The following SHISA9 variants were observed in gnomAD, a reference collection of about 807,000 sequenced individuals.
SHISA9 encodes the protein shisa family member 9.
SHISA9 carries 13 observed loss-of-function variants against 38.0 expected under a neutral mutation model. The observed-to-expected ratio is 0.34, with a 90% CI of 0.22 to 0.54. The LOEUF (loss-of-function observed/expected upper bound fraction) is 0.54. Ranked by LOEUF, SHISA9 falls within the 20% of genes least tolerant of loss-of-function variation. The probability of loss-of-function intolerance (pLI) is 0.91; values close to 1 mark genes in which losing one functional copy is unlikely to be tolerated. For synonymous variants in SHISA9, 275 were observed against 242.0 expected (o/e 1.14, Z -1.27); for missense variants, 538 against 575.8 (o/e 0.93, Z 0.67).
At chr16:13,420,991 T>C in the SHISA9 span, among the ~76,000 whole-genome samples, 111,602 of 151,912 alleles carry the variant, frequency 0.73, 41,216 homozygotes, top group Admixed American at 0.82. Context: ...TCTTCACACA[T>C]ACCATGCAAG....
chr16:13,292,446 A>G, the SHISA9 span, among the ~76,000 whole-genome samples: 3 of 152,210 alleles, frequency 2.0e-5, no homozygotes, highest in East Asian at 1.9e-4. Context: ...TACTTAGACA[A>G]TGGACCTAGC....
chr16:12,985,742 T>C (rs557751239), intron 2 of SHISA9, among the ~76,000 whole-genome samples: 10 of 152,214 alleles, frequency 6.6e-5, no homozygotes, highest in Non-Finnish European at 1.3e-4. Context: ...TTCACCATTT[T>C]TGTGGTCTGC....
intron 2 of SHISA9, among the ~76,000 whole-genome samples, chr16:13,144,607 TAGAG>T (rs1187949080): frequency 6.6e-6 from 1 of 152,102 alleles, no homozygotes; most frequent in Non-Finnish European, 1.5e-5. Context: ...ACTAAAAAAA[TAGAG>T]AGAAAAGGGT....
At chr16:13,104,587 A>G (rs575476439) in intron 2 of SHISA9, among the ~76,000 whole-genome samples, 3 of 152,222 alleles carry the variant, frequency 2.0e-5, no homozygotes, top group Non-Finnish European at 4.4e-5. Flanking sequence ...GCTAAATGAA[A>G]GAAGCCAGAT....
intron 4 of SHISA9, among the ~76,000 whole-genome samples, chr16:13,230,730 A>G (rs1019790211): frequency 3.3e-5 from 5 of 152,180 alleles, no homozygotes; most frequent in Non-Finnish European, 5.9e-5. Flanking sequence ...GAATAAAAGA[A>G]TGGTTACTCC....
chr16:13,477,173 A>G, the SHISA9 span, among the ~76,000 whole-genome samples: 2 of 152,156 alleles, frequency 1.3e-5, no homozygotes, highest in Non-Finnish European at 2.9e-5. Context: ...AAAATGAGTA[A>G]TAGATCTCCC....
At chr16:13,548,797 G>A in the SHISA9 span, among the ~76,000 whole-genome samples, 7 of 152,144 alleles carry the variant, frequency 4.6e-5, no homozygotes, top group South Asian at 2.1e-4. Flanking sequence ...ATGGAAAACA[G>A]TATTAAGGTT....
the SHISA9 span, among the ~76,000 whole-genome samples, chr16:13,346,439 G>A: frequency 2.6e-5 from 4 of 152,118 alleles, no homozygotes; most frequent in South Asian, 2.1e-4. Context: ...CATCAGTGTC[G>A]ACCGAAAACA....
chr16:13,039,205 G>T lies in SHISA9; in HGVS notation c.691+122390G>T, dbSNP rs984217924. ...ATTACAGGCATAAGCCACCGCGCCT[G>T]GCCAAGAATTTCTAATGTTAATCAT... On this transcript the variant is annotated intron_variant, in intron 2 of 4. Coordinates refer to ENST00000558583, the MANE Select transcript of SHISA9 (RefSeq NM_001145204.3). Among the ~76,000 whole-genome samples the T allele has an allele frequency of 2.6e-5, 4 of 152,236 alleles. No homozygotes were observed. The South Asian group carries it at 8.3e-4, about 32-fold the overall frequency.
the SHISA9 span, among the ~76,000 whole-genome samples, chr16:13,530,286 G>T: frequency 6.6e-6 from 1 of 152,188 alleles, no homozygotes; most frequent in African/African-American, 2.4e-5. Flanking sequence ...GGGTGACAGA[G>T]TGAGACTCCG....
At chr16:12,916,901 G>A (rs1436510303) in intron 2 of SHISA9, 86 bp downstream of exon 2, 2 of 1,441,036 alleles carry the variant, frequency 1.4e-6, no homozygotes, top group East Asian at 2.6e-5. Flanking sequence ...AGTGTGCTTG[G>A]GTTAGTTAAG....
At chr16:13,111,550 A>G (rs2073978275) in intron 2 of SHISA9, among the ~76,000 whole-genome samples, 1 of 152,206 alleles carries the variant, frequency 6.6e-6, no homozygotes, top group South Asian at 2.1e-4. Flanking sequence ...TTATCTGTGT[A>G]AGACACTTAG....
the SHISA9 span, among the ~76,000 whole-genome samples, chr16:13,350,908 C>T: frequency 1.3e-5 from 2 of 152,106 alleles, no homozygotes; most frequent in African/African-American, 4.8e-5. Context: ...TCTTACAATA[C>T]AACCTGGCTG....
At chr16:13,512,904 C>T in the SHISA9 span, among the ~76,000 whole-genome samples, 41 of 152,090 alleles carry the variant, frequency 2.7e-4, no homozygotes, top group African/African-American at 9.9e-4. Context: ...ACTATAAAAA[C>T]CCTGGAAGAA....
intron 2 of SHISA9, among the ~76,000 whole-genome samples, chr16:12,970,601 C>T (rs1346078517): frequency 1.4e-5 from 2 of 139,696 alleles, no homozygotes; most frequent in Admixed American, 7.7e-5. Context: ...ACCTCTGCCT[C>T]CCAGGTTCAA....
chr16:13,222,791 T>C (rs1225957108), intron 4 of SHISA9, among the ~76,000 whole-genome samples: 5 of 63,758 alleles, frequency 7.8e-5, no homozygotes, highest in African/African-American at 5.5e-4. Context: ...TGTGTGTGTA[T>C]GTATATATAT....
At chr16:13,313,265 A>AC in the SHISA9 span, among the ~76,000 whole-genome samples, 2 of 151,478 alleles carry the variant, frequency 1.3e-5, no homozygotes, top group Non-Finnish European at 2.9e-5. Context: ...AAAAAAAAAA[A>AC]AAAAAAACCC....
chr16:13,008,814 A>G (rs865787766), intron 2 of SHISA9, among the ~76,000 whole-genome samples: 2 of 151,962 alleles, frequency 1.3e-5, no homozygotes, highest in Non-Finnish European at 2.9e-5. Flanking sequence ...TTTCTTCATA[A>G]ATTACCCAGT....
At chr16:13,096,940 C>T (rs1021289985) in intron 2 of SHISA9, among the ~76,000 whole-genome samples, 1 of 152,146 alleles carries the variant, frequency 6.6e-6, no homozygotes, top group Non-Finnish European at 1.5e-5. Context: ...GTTCCCTACA[C>T]TATATTCCTA....
Sources: gnomAD v4.1 joint callset for allele counts (sites outside exome capture counted in the v4.1 genomes callset) on GRCh38, gnomAD v4.1.1 for gene constraint, MANE v1.5 for transcripts, NCBI Gene and HGNC (gene_info 2026-07-23, HGNC 2026-07-21) for gene names.